The following FUBP1 variants were observed in gnomAD, a reference collection of about 807,000 sequenced individuals.
FUBP1 encodes the protein far upstream element binding protein 1.
A neutral mutation model predicts 94.9 loss-of-function variants in FUBP1; 16 were observed. The ratio of observed to expected loss-of-function variants is 0.17; its 90% CI spans 0.11 to 0.26. The LOEUF (loss-of-function observed/expected upper bound fraction) is 0.26. Ranked by LOEUF, FUBP1 falls within the 10% of genes least tolerant of loss-of-function variation. FUBP1 has a pLI of 1.00. For missense variants in FUBP1, 583 were observed against 808.6 expected (o/e 0.72, Z 3.38); for synonymous variants, 279 against 254.9 (o/e 1.09, Z -0.90).
intron 3 of FUBP1, 96 bp downstream of exon 3, chr1:77,968,069 A>C: frequency 1.3e-6 from 1 of 759,308 alleles, no homozygotes; most frequent in Non-Finnish European, 2.1e-6. Context: ...AATACTCATA[A>C]ACCAACTAAC....
In FUBP1 at chr1:77,960,252, G is replaced by T; in HGVS notation, c.1508C>A (p.Ala503Asp). ...PPGPAPHGPPAPYAPQGWGNA... is the reference protein window; with the variant it reads ...PPGPAPHGPPDPYAPQGWGNA... ...TCCCCATCCCTGGGGAGCATATGGG[G>T]CTGGAGGACCACTGAAAAGAAAAAT... is the stretch of plus-strand genomic sequence containing the variant. Residue 503 changes from alanine (A) to aspartate (D), a missense_variant, in exon 16 of 20, where the codon GCC (alanine) becomes GAC (aspartate). Ala to Asp is a moderately radical substitution (Grantham distance 126, BLOSUM62 -2). Transcript: ENST00000370768. 6.2e-7 allele frequency: 1 copy of T among 1,613,158 alleles called. No individual in the cohort carries two copies. The highest frequency in any genetic ancestry group is 8.5e-7 in the Non-Finnish European group (1 of 1,179,420).
intron 1 of FUBP1, among the ~76,000 whole-genome samples, chr1:77,976,286 G>C (rs182669643): frequency 1.6e-4 from 25 of 152,314 alleles, no homozygotes; most frequent in Non-Finnish European, 2.6e-4. Context: ...CTGACATTTA[G>C]AGATATCATC....
At position 77,945,293 on chromosome 1, in the gene FUBP1, C is replaced by A. The variant is rs1309233010; in HGVS notation, c.*3473G>T. 3.9e-5 allele frequency among the ~76,000 whole-genome samples: 6 copies of A among 151,962 alleles called. No homozygotes were observed. Among genetic ancestry groups the A allele is most frequent in the Middle Eastern group, 3.4e-3 (1 of 294 alleles). Reference sequence around the variant, plus strand: ...GAGCCCCTTTATATTATCAATTGTACATACCTATCATTGACTATTAAAACA... The same window carrying A: ...GAGCCCCTTTATATTATCAATTGTAAATACCTATCATTGACTATTAAAACA... On this transcript the variant is annotated 3_prime_UTR_variant, in exon 20 of 20. Coordinates refer to ENST00000370768, the MANE Select transcript of FUBP1 (RefSeq NM_003902.5).
chr1:77,950,654 C>T (rs1653280864), intron 18 of FUBP1, among the ~76,000 whole-genome samples: 1 of 152,162 alleles, frequency 6.6e-6, no homozygotes, highest in Non-Finnish European at 1.5e-5. Context: ...AGTATATGTT[C>T]TCCTATTCAG....
In FUBP1 at chr1:77,947,438, T is replaced by C. The variant is rs985799755; in HGVS notation, c.*1328A>G. 6 of 717,598 alleles carry C rather than the reference T, an allele frequency of 8.4e-6. No homozygotes were observed. In the African/African-American group the frequency reaches 1.1e-4, roughly 13 times the overall value. The allele number at this position is 717,598 out of a possible 1,614,324, so 44.5% of individuals were successfully genotyped here. A position where few individuals can be genotyped will look rare whatever the true frequency, so the allele number is the denominator to read the frequency against. Reference sequence around the variant, plus strand: ...ACTGTTGCAGTTCATCAATTTGTCATTCTGATGTACTTACAGTGCAATGCT... The same window carrying C: ...ACTGTTGCAGTTCATCAATTTGTCACTCTGATGTACTTACAGTGCAATGCT... On this transcript the variant is annotated 3_prime_UTR_variant, in exon 20 of 20. Transcript: ENST00000370768.
At chr1:77,948,967 C>G in intron 19 of FUBP1, 188 bp downstream of exon 19, 3 of 919,302 alleles carry the variant, frequency 3.3e-6, no homozygotes, top group Non-Finnish European at 5.2e-6. Context: ...AAATATTCAC[C>G]ACTCAGATGC....
At chr1:77,956,015 A>G (rs1654391096) in intron 17 of FUBP1, among the ~76,000 whole-genome samples, 1 of 152,210 alleles carries the variant, frequency 6.6e-6, no homozygotes, top group East Asian at 1.9e-4. Flanking sequence ...CACCCTGAAT[A>G]TACTCCCTGA....
At position 77,944,315 on chromosome 1, in the gene FUBP1, TAAG is replaced by T. The variant is rs1387070224; in HGVS notation, c.*4448_*4450del. The T allele has an allele frequency of 1.0e-5, 2 of 195,994 alleles. No homozygotes were observed. The highest frequency in any genetic ancestry group is 2.1e-5 in the Non-Finnish European group (2 of 95,060). The allele number at this position is 195,994 out of a possible 1,614,324, so 12.1% of individuals were successfully genotyped here. On this transcript the variant is annotated 3_prime_UTR_variant, in exon 20 of 20. Transcript: ENST00000370768. ...AGGACGAAAATGCATCGAGCATGCA[TAAG>T]AAAATATATATATATATATGCGCAA...
At chr1:77,950,043 AT>A (rs1653086912) in intron 18 of FUBP1, among the ~76,000 whole-genome samples, 1 of 152,272 alleles carries the variant, frequency 6.6e-6, no homozygotes, top group Non-Finnish European at 1.5e-5. Context: ...AAATATAGCA[AT>A]GAAATGCAAC....
Position 77,974,414 on chromosome 1 carries a change from G to A in FUBP1, c.121-4399C>T, listed in dbSNP as rs1022408608. On this transcript the variant is annotated intron_variant, in intron 1 of 19. Coordinates refer to ENST00000370768, the MANE Select transcript of FUBP1 (RefSeq NM_003902.5). ...CCCAAAGTGCTGAGATTACAGGCGT[G>A]AGCCACCGCGCCCAGCCTATTTTTT... Among the ~76,000 whole-genome samples the A allele has an allele frequency of 2.6e-5, 4 of 152,208 alleles. No homozygotes were observed. The South Asian group carries it at 6.2e-4, about 24-fold the overall frequency.
chr1:77,968,042 C>A (rs1487632208), intron 3 of FUBP1, 123 bp downstream of exon 3: 1 of 604,538 alleles, frequency 1.7e-6, no homozygotes, highest in Non-Finnish European at 2.9e-6. Context: ...CAAAGAAATT[C>A]AGGCTAGCTG....
intron 18 of FUBP1, among the ~76,000 whole-genome samples, chr1:77,952,178 C>CA (rs772711602): frequency 5.9e-5 from 9 of 151,790 alleles, no homozygotes; most frequent in Non-Finnish European, 7.4e-5. Context: ...GTGGATGCTG[C>CA]AAGTGAGCCG....
chr1:77,946,461 A>G lies in FUBP1; in HGVS notation c.*2305T>C, dbSNP rs1394185230. 1 of 202,710 alleles carries G rather than the reference A, an allele frequency of 4.9e-6. No homozygotes were observed. Among genetic ancestry groups the G allele is most frequent in the Non-Finnish European group, 1.0e-5 (1 of 98,306 alleles). 12.6% of individuals were successfully genotyped at this position (202,710 alleles called of 1,614,324 possible). A position where few individuals can be genotyped will look rare whatever the true frequency, so the allele number is the denominator to read the frequency against. On this transcript the variant is annotated 3_prime_UTR_variant, in exon 20 of 20. Coordinates refer to ENST00000370768, the MANE Select transcript of FUBP1 (RefSeq NM_003902.5). Reference sequence around the variant, plus strand: ...AGATTGCCTTTGAATACACAACCACAAAAACCTCACAGGGACAACATTAAT... The same window carrying G: ...AGATTGCCTTTGAATACACAACCACGAAAACCTCACAGGGACAACATTAAT...
chr1:77,965,003 A>G, intron 8 of FUBP1, 35 bp from the exon 9 acceptor site: 1 of 1,591,404 alleles, frequency 6.3e-7, no homozygotes. Flanking sequence ...ATATTAACAA[A>G]AGGAAGTGGA....
chr1:77,964,987 T>G lies in FUBP1; in HGVS notation c.637-19A>C, dbSNP rs981284163. ...CCCGTTCCTGTTACAATCATAGAAA[T>G]AATATATATTAACAAAAGGAAGTGG... is the stretch of plus-strand genomic sequence containing the variant. On this transcript the variant is annotated intron_variant, in intron 8 of 19. Transcript: ENST00000370768. The G allele has an allele frequency of 6.3e-7, 1 of 1,596,224 alleles. No individual in the cohort carries two copies. The highest frequency in any genetic ancestry group is 8.6e-7 in the Non-Finnish European group (1 of 1,164,466).
chr1:77,970,679 A>G (rs1278975388), intron 1 of FUBP1, among the ~76,000 whole-genome samples: 2 of 152,212 alleles, frequency 1.3e-5, no homozygotes, highest in African/African-American at 4.8e-5. Context: ...CTGCAAAACC[A>G]TAATTCTTAG....
intron 14 of FUBP1, among the ~76,000 whole-genome samples, chr1:77,961,447 A>T (rs545058492): frequency 5.9e-5 from 9 of 152,346 alleles, no homozygotes; most frequent in Non-Finnish European, 1.0e-4. Context: ...ATAATACTGA[A>T]AAAGTAGCAA....
At position 77,966,963 on chromosome 1, in the gene FUBP1, GAA is replaced by G. The variant is rs71590706; in HGVS notation, c.344-10_344-9del. ...CACCTCCTCTGCCAATTACTAGTTAGAAAAAAAAAAATTTTTTTTTTGGTTGA... is the reference window on the plus strand; with the variant it reads ...CACCTCCTCTGCCAATTACTAGTTAGAAAAAAAAATTTTTTTTTTGGTTGA... On this transcript the variant is annotated splice_polypyrimidine_tract_variant and intron_variant, in intron 5 of 19. Coordinates refer to ENST00000370768, the MANE Select transcript of FUBP1 (RefSeq NM_003902.5). The G allele has an allele frequency of 3.4e-6, 5 of 1,471,392 alleles. No individual in the cohort carries two copies. The highest frequency in any genetic ancestry group is 1.8e-5 in the Admixed American group (1 of 54,106). 91.1% of individuals were successfully genotyped at this position (1,471,392 alleles called of 1,614,324 possible).
intron 14 of FUBP1, among the ~76,000 whole-genome samples, chr1:77,961,928 G>A (rs908658470): frequency 6.6e-6 from 1 of 152,086 alleles, no homozygotes; most frequent in African/African-American, 2.4e-5. Context: ...TTCCTTAAGC[G>A]TCTTTTGTAC....
Sources: allele counts gnomAD v4.1 joint callset (sites outside exome capture counted in the v4.1 genomes callset), GRCh38; gene constraint gnomAD v4.1.1; transcripts MANE v1.5; gene names NCBI Gene and HGNC (gene_info 2026-07-23, HGNC 2026-07-21).